STAM2: variants seen among roughly 807,000 people sequenced by gnomAD.
STAM2 encodes signal transducing adaptor molecule 2.
In STAM2, 51 loss-of-function variants were observed where a neutral mutation model predicts 65.6. That is an observed-to-expected ratio of 0.78 (90% CI 0.62 to 0.98). The LOEUF (loss-of-function observed/expected upper bound fraction) is 0.98, where lower values mean the gene tolerates loss of function less well. Among genes scored for constraint, STAM2 ranks in the 50% least tolerant of loss-of-function variants. STAM2 has a pLI of 0.00. For missense variants in STAM2, 584 were observed against 617.8 expected (o/e 0.95, Z 0.58); for synonymous variants, 198 against 208.4 (o/e 0.95, Z 0.43).
chr2:152,175,491 TCCCTTCGCTTTGCTTC>T, intron 1 of STAM2, 96 bp downstream of exon 1: 1 of 1,396,372 alleles, frequency 7.2e-7, no homozygotes, highest in Non-Finnish European at 1.0e-6. Flanking sequence ...GCCCCTCCCC[TCCCTTCGCTTTGCTTC>T]CTAGTCCCCG....
chr2:152,123,984 C>A, intron 12 of STAM2, 49 bp from the exon 13 acceptor site: 1 of 1,449,042 alleles, frequency 6.9e-7, no homozygotes. Context: ...CAAACATGTG[C>A]CTAATAATAT....
At chr2:152,147,092 T>C in intron 5 of STAM2, 70 bp downstream of exon 5, 5 of 1,396,590 alleles carry the variant, frequency 3.6e-6, no homozygotes, top group Non-Finnish European at 4.8e-6. Context: ...ATACCTTGCC[T>C]AGTCTTTACA....
At chr2:152,130,384 T>C (rs1203332477) in intron 11 of STAM2, among the ~76,000 whole-genome samples, 1 of 151,984 alleles carries the variant, frequency 6.6e-6, no homozygotes, top group Non-Finnish European at 1.5e-5. Flanking sequence ...CCCGAGTAGC[T>C]GGGACTACAG....
At chr2:152,171,645 A>G (rs1689900681) in intron 1 of STAM2, among the ~76,000 whole-genome samples, 1 of 152,240 alleles carries the variant, frequency 6.6e-6, no homozygotes, top group African/African-American at 2.4e-5. Flanking sequence ...TAACACAGCA[A>G]AAGTCAGAAA....
chr2:152,144,549 A>G (rs917710137), intron 6 of STAM2, among the ~76,000 whole-genome samples: 3 of 152,104 alleles, frequency 2.0e-5, no homozygotes, highest in Non-Finnish European at 2.9e-5. Flanking sequence ...ATACATATAT[A>G]TATTTTTTGA....
intron 12 of STAM2, among the ~76,000 whole-genome samples, chr2:152,125,425 C>T (rs952601063): frequency 2.6e-5 from 4 of 152,200 alleles, no homozygotes; most frequent in African/African-American, 9.6e-5. Flanking sequence ...CCTTCACATG[C>T]ACCTTTACAT....
chr2:152,126,556 T>C (rs909596474), intron 11 of STAM2, among the ~76,000 whole-genome samples, 177 bp from the exon 12 acceptor site: 1 of 152,176 alleles, frequency 6.6e-6, no homozygotes, highest in Non-Finnish European at 1.5e-5. Context: ...ATCCTTGTAA[T>C]AGCTAGGCTG....
intron 1 of STAM2, among the ~76,000 whole-genome samples, chr2:152,175,210 C>T (rs1339235381): frequency 6.6e-6 from 1 of 152,186 alleles, no homozygotes; most frequent in Non-Finnish European, 1.5e-5. Context: ...AGCAGGGTCT[C>T]CACTGCTGCA....
Position 152,175,735 on chromosome 2 carries a change from G to C in STAM2, c.-93C>G. 7.2e-7 allele frequency: 1 copy of C among 1,382,686 alleles called. No individual in the cohort carries two copies. The allele number at this position is 1,382,686 out of a possible 1,614,324, so 85.7% of individuals were successfully genotyped here. On this transcript the variant is annotated 5_prime_UTR_variant, in exon 1 of 14. Transcript: ENST00000263904. ...ACCCGCGGCCGCGGCTCCCTAGACC[G>C]CTCCGCTTCGGCCTCCGTCCCTGCA...
intron 13 of STAM2, among the ~76,000 whole-genome samples, chr2:152,122,746 TAGAGTA>T (rs1191989758): frequency 6.6e-6 from 1 of 152,002 alleles, no homozygotes; most frequent in Non-Finnish European, 1.5e-5. Context: ...ATACAACTCT[TAGAGTA>T]AAAGTGTTTT....
chr2:152,148,131 T>G lies in STAM2; in HGVS notation c.202-9A>C, dbSNP rs764692994. Reference sequence around the variant, plus strand: ...ACACAAGCCCCAAGAAGCTATTAATTGAAATAAAAATATATGAATATTGAA... The same window carrying G: ...ACACAAGCCCCAAGAAGCTATTAATGGAAATAAAAATATATGAATATTGAA... On this transcript the variant is annotated splice_polypyrimidine_tract_variant and intron_variant, in intron 3 of 13. Transcript: ENST00000263904. The G allele has an allele frequency of 1.3e-6, 2 of 1,597,084 alleles. No individual in the cohort carries two copies. Among genetic ancestry groups the G allele is most frequent in the African/African-American group, 2.7e-5 (2 of 74,102 alleles).
intron 7 of STAM2, 116 bp downstream of exon 7, chr2:152,143,711 G>A: frequency 1.5e-6 from 1 of 681,628 alleles, no homozygotes; most frequent in Non-Finnish European, 2.2e-6. Context: ...GAAAAAACAA[G>A]GTATGAAATG....
At position 152,144,978 on chromosome 2, in the gene STAM2, T is replaced by C. The variant is rs534026989; in HGVS notation, c.448-21A>G. On this transcript the variant is annotated intron_variant, in intron 5 of 13. Transcript: ENST00000263904. ...ACAGTCTGTAAATGTATGAGTAAAA[T>C]GAACACAACTATCTTTTCAAACAAA... 6 of 1,577,312 alleles carry C rather than the reference T, an allele frequency of 3.8e-6. No individual in the cohort carries two copies. In the African/African-American group the frequency reaches 5.4e-5, roughly 14 times the overall value.
intron 13 of STAM2, among the ~76,000 whole-genome samples, chr2:152,122,664 A>T (rs1688877972): frequency 1.3e-5 from 2 of 152,162 alleles, no homozygotes; most frequent in South Asian, 4.1e-4. Flanking sequence ...GACCTTATAG[A>T]TCATCTACAT....
At position 152,150,162 on chromosome 2, in the gene STAM2, A is replaced by T; in HGVS notation, c.108T>A (p.Val36=). The change falls in exon 2 of 14, where the codon GTT becomes GTA. Residue 36 remains valine (V), a synonymous_variant. Transcript: ENST00000263904. ...CATCTTACCCATTAGGAGTACTTCCAACTTTGTCACATATGTCCATAATAA... is the reference window on the plus strand; with the variant it reads ...CATCTTACCCATTAGGAGTACTTCCTACTTTGTCACATATGTCCATAATAA... ...WSLIMDICDK[V]GSTPNGAKDC... 1 of 1,612,908 alleles carries T rather than the reference A, an allele frequency of 6.2e-7. No individual in the cohort carries two copies. The highest frequency in any genetic ancestry group is 8.5e-7 in the Non-Finnish European group (1 of 1,179,080).
At chr2:152,160,325 A>G (rs1042452418) in intron 1 of STAM2, among the ~76,000 whole-genome samples, 30 of 149,260 alleles carry the variant, frequency 2.0e-4, no homozygotes, top group Middle Eastern at 3.6e-3. Flanking sequence ...GGAAGTGAGG[A>G]GCGTCTCTGC....
intron 7 of STAM2, among the ~76,000 whole-genome samples, chr2:152,143,428 A>G (rs1232254166): frequency 6.6e-6 from 1 of 152,196 alleles, no homozygotes; most frequent in Non-Finnish European, 1.5e-5. Flanking sequence ...TAGATTAAGA[A>G]TTGGGGAGGA....
intron 13 of STAM2, among the ~76,000 whole-genome samples, chr2:152,121,695 A>G (rs1688855793): frequency 6.6e-6 from 1 of 152,158 alleles, no homozygotes; most frequent in African/African-American, 2.4e-5. Flanking sequence ...AAATCACACC[A>G]AATTGCAAGA....
chr2:152,163,349 ACT>A (rs1448911198), intron 1 of STAM2, among the ~76,000 whole-genome samples: 1 of 152,184 alleles, frequency 6.6e-6, no homozygotes, highest in Admixed American at 6.5e-5. Context: ...CCCAAATAAT[ACT>A]CTTATAATTT....
Sources: allele counts gnomAD v4.1 joint callset (sites outside exome capture counted in the v4.1 genomes callset), GRCh38; gene constraint gnomAD v4.1.1; transcripts MANE v1.5; gene names NCBI Gene and HGNC (gene_info 2026-07-23, HGNC 2026-07-21).